The following LIN28B variants were observed in gnomAD, a reference collection of about 807,000 sequenced individuals.
LIN28B encodes protein lin-28 homolog B.
LIN28B carries 5 observed loss-of-function variants against 21.9 expected under a neutral mutation model. That is an observed-to-expected ratio of 0.23 (90% CI 0.12 to 0.48). The LOEUF (loss-of-function observed/expected upper bound fraction) is 0.48, where lower values mean the gene tolerates loss of function less well. Among genes scored for constraint, LIN28B ranks in the 20% least tolerant of loss-of-function variants. The probability of loss-of-function intolerance (pLI) is 0.98; values close to 1 mark genes in which losing one functional copy is unlikely to be tolerated. For missense variants in LIN28B, 245 were observed against 310.5 expected (o/e 0.79, Z 1.58); for synonymous variants, 109 against 111.3 (o/e 0.98, Z 0.13).
chr6:104,957,575 C>A (rs148958028), intron 1 of LIN28B, among the ~76,000 whole-genome samples: 1 of 152,106 alleles, frequency 6.6e-6, no homozygotes, highest in Non-Finnish European at 1.5e-5. Flanking sequence ...CTGCCCCCTC[C>A]CCCATTCCAC....
chr6:104,970,565 A>G (rs1193006819), intron 2 of LIN28B, among the ~76,000 whole-genome samples: 3 of 152,186 alleles, frequency 2.0e-5, no homozygotes, highest in Admixed American at 6.5e-5. Flanking sequence ...TTACTACTAA[A>G]TAGATTTTTA....
At chr6:104,973,222 A>G (rs1770016011) in intron 2 of LIN28B, among the ~76,000 whole-genome samples, 1 of 152,172 alleles carries the variant, frequency 6.6e-6, no homozygotes, top group South Asian at 2.1e-4. Flanking sequence ...GTCACTGTTA[A>G]GCCATTAATA....
At chr6:104,961,041 A>C (rs1769729094) in intron 2 of LIN28B, among the ~76,000 whole-genome samples, 1 of 152,174 alleles carries the variant, frequency 6.6e-6, no homozygotes. Flanking sequence ...GATGGTATGT[A>C]ACCATTGATG....
intron 2 of LIN28B, among the ~76,000 whole-genome samples, chr6:105,004,658 G>A (rs1770781078): frequency 6.6e-6 from 1 of 152,128 alleles, no homozygotes; most frequent in African/African-American, 2.4e-5. Context: ...ACAGTATATA[G>A]TGATTTTTTT....
At chr6:105,020,273 G>A (rs1771110914) in intron 2 of LIN28B, among the ~76,000 whole-genome samples, 1 of 151,586 alleles carries the variant, frequency 6.6e-6, no homozygotes. Context: ...ACTGCACCTG[G>A]CCCCTGTTCA....
At chr6:105,003,133 T>C (rs1400664101) in intron 2 of LIN28B, among the ~76,000 whole-genome samples, 1 of 152,200 alleles carries the variant, frequency 6.6e-6, no homozygotes, top group East Asian at 1.9e-4. Context: ...ACGACTTTTA[T>C]AAAAGACCTA....
rs1291531256 is a variant in LIN28B at position 104,991,574 on chromosome 6, G to A, written c.198+33288G>A. On this transcript the variant is annotated intron_variant, in intron 2 of 3. Coordinates refer to ENST00000345080, the MANE Select transcript of LIN28B (RefSeq NM_001004317.4). ...CCTCCTCACATCCCAGAAGATGGGC[G>A]GCCGGGCAGAGACGCTCCTCACTTC... Among the ~76,000 whole-genome samples the A allele has an allele frequency of 3.3e-5, 5 of 151,804 alleles. No individual in the cohort carries two copies. In the South Asian group the frequency reaches 8.3e-4, roughly 25 times the overall value.
intron 2 of LIN28B, among the ~76,000 whole-genome samples, chr6:104,968,516 A>G (rs1769909689): frequency 6.6e-6 from 1 of 152,138 alleles, no homozygotes; most frequent in Admixed American, 6.6e-5. Flanking sequence ...AAAAATCAAA[A>G]CCCACTTAAA....
chr6:105,008,428 A>G lies in LIN28B; in HGVS notation c.199-17870A>G, dbSNP rs111557362. ...GGGAGGCCGAGGCGGGCGGATCACG[A>G]GGTCAGGAGATCGAGACCATCCTGG... On this transcript the variant is annotated intron_variant, in intron 2 of 3. Coordinates refer to ENST00000345080, the MANE Select transcript of LIN28B (RefSeq NM_001004317.4). 4.8e-3 allele frequency among the ~76,000 whole-genome samples: 738 copies of G among 152,190 alleles called. 6 individuals are homozygous for G. The highest frequency in any genetic ancestry group is 0.017 in the Middle Eastern group (5 of 294).
At chr6:104,966,312 T>C (rs1769857028) in intron 2 of LIN28B, among the ~76,000 whole-genome samples, 2 of 152,196 alleles carry the variant, frequency 1.3e-5, no homozygotes, top group Non-Finnish European at 2.9e-5. Context: ...ATAATATTTT[T>C]CATCTTTATT....
intron 2 of LIN28B, among the ~76,000 whole-genome samples, chr6:104,989,590 T>TG (rs199525556): frequency 0.12 from 17,385 of 142,450 alleles, 1,537 homozygotes; most frequent in African/African-American, 0.19. Context: ...TTTTTTTTTT[T>TG]TTTTTTTTTT....
intron 3 of LIN28B, among the ~76,000 whole-genome samples, chr6:105,063,182 A>G (rs1201848227): frequency 6.6e-6 from 1 of 152,148 alleles, no homozygotes; most frequent in Admixed American, 6.5e-5. Flanking sequence ...GATTTAGTTT[A>G]TACAATTACA....
chr6:105,029,148 T>C (rs1241858936), intron 3 of LIN28B, among the ~76,000 whole-genome samples: 2 of 152,152 alleles, frequency 1.3e-5, no homozygotes, highest in Admixed American at 1.3e-4. Context: ...TGGGTTGTGT[T>C]CAATACAGAG....
intron 3 of LIN28B, among the ~76,000 whole-genome samples, chr6:105,037,699 C>A (rs548807438): frequency 6.6e-6 from 1 of 151,552 alleles, no homozygotes; most frequent in Non-Finnish European, 1.5e-5. Flanking sequence ...TTTTTAGAGA[C>A]TGGGTTTTGC....
chr6:104,942,380 A>G (rs190129343), intron 2 of LIN28B, among the ~76,000 whole-genome samples: 40 of 152,262 alleles, frequency 2.6e-4, no homozygotes, highest in African/African-American at 9.4e-4. Context: ...TGCTTTTTTA[A>G]AAAGCACATT....
chr6:104,955,231 C>A (rs547729460), upstream of LIN28B, among the ~76,000 whole-genome samples: 1 of 152,172 alleles, frequency 6.6e-6, no homozygotes, highest in South Asian at 2.1e-4. Flanking sequence ...CAAAATAATG[C>A]CTAGTAAATG....
At chr6:105,048,592 G>A (rs1771820749) in intron 3 of LIN28B, among the ~76,000 whole-genome samples, 1 of 152,270 alleles carries the variant, frequency 6.6e-6, no homozygotes, top group East Asian at 1.9e-4. Context: ...AGAAGGAATG[G>A]TACCAGCTCC....
chr6:104,963,530 C>T (rs1769797658), intron 2 of LIN28B, among the ~76,000 whole-genome samples: 1 of 152,104 alleles, frequency 6.6e-6, no homozygotes, highest in African/African-American at 2.4e-5. Flanking sequence ...AGGCCTTTCT[C>T]CTGTTTTAAA....
At chr6:105,018,624 G>A (rs937210606) in intron 2 of LIN28B, among the ~76,000 whole-genome samples, 6 of 151,948 alleles carry the variant, frequency 3.9e-5, no homozygotes, top group Admixed American at 3.9e-4. Flanking sequence ...CCTTTCCCTG[G>A]AAATCAAGTT....
Sources: gnomAD v4.1 joint callset for allele counts (sites outside exome capture counted in the v4.1 genomes callset) on GRCh38, gnomAD v4.1.1 for gene constraint, MANE v1.5 for transcripts, NCBI Gene and HGNC (gene_info 2026-07-23, HGNC 2026-07-21) for gene names.